DIP2C: variants seen among roughly 807,000 people sequenced by gnomAD.
DIP2C encodes DIP2 acetate--CoA ligase C (putative).
DIP2C carries 33 observed loss-of-function variants against 192.4 expected under a neutral mutation model. That is an observed-to-expected ratio of 0.17 (90% CI 0.13 to 0.23). The LOEUF (loss-of-function observed/expected upper bound fraction) is 0.23, where lower values mean the gene tolerates loss of function less well. DIP2C is among the 10% of genes least tolerant of loss of function. DIP2C has a pLI of 1.00. For missense variants in DIP2C, 1,537 were observed against 2,110.1 expected (o/e 0.73, Z 5.32); for synonymous variants, 979 against 864.1 (o/e 1.13, Z -2.33).
rs549517794 is a variant in DIP2C, at chr10:303,741, T to C, written c.3986+6290A>G. 5.9e-5 allele frequency among the ~76,000 whole-genome samples: 9 copies of C among 152,308 alleles called. 1 individual carries two copies. In the South Asian group the frequency reaches 1.7e-3, roughly 28 times the overall value. ...TTCCTCCATGTTGGTCAGGCTGGTC[T>C]CGAACTCCCGACCTCAGGTGATCTG... On this transcript the variant is annotated intron_variant, in intron 32 of 36. Transcript: ENST00000280886.
At chr10:503,771 C>A (rs190001106) in intron 1 of DIP2C, among the ~76,000 whole-genome samples, 7 of 152,210 alleles carry the variant, frequency 4.6e-5, no homozygotes, top group East Asian at 1.9e-4. Flanking sequence ...CGCATTTTTA[C>A]ATCTTTCAGG....
At chr10:499,633 A>G (rs1845087989) in intron 1 of DIP2C, among the ~76,000 whole-genome samples, 1 of 152,296 alleles carries the variant, frequency 6.6e-6, no homozygotes, top group Non-Finnish European at 1.5e-5. Flanking sequence ...CACAGTTACC[A>G]AAAAAACAGA....
chr10:342,022 T>G (rs1300176559), intron 28 of DIP2C, among the ~76,000 whole-genome samples: 4 of 152,198 alleles, frequency 2.6e-5, no homozygotes, highest in East Asian at 1.9e-4. Context: ...GGCTGATATT[T>G]TCACTGGAGT....
intron 10 of DIP2C, among the ~76,000 whole-genome samples, chr10:396,920 G>A (rs1320948931): frequency 6.6e-6 from 1 of 151,892 alleles, no homozygotes; most frequent in Non-Finnish European, 1.5e-5. Flanking sequence ...TGCCAGACAC[G>A]AGCATACTCA....
At chr10:581,099 G>A (rs1271604897) in intron 1 of DIP2C, among the ~76,000 whole-genome samples, 6 of 152,188 alleles carry the variant, frequency 3.9e-5, no homozygotes, top group Non-Finnish European at 7.3e-5. Context: ...TTTTCTAGGA[G>A]CGATGTCTGG....
intron 1 of DIP2C, among the ~76,000 whole-genome samples, chr10:683,071 AC>A (rs1258125072): frequency 6.6e-6 from 1 of 152,224 alleles, no homozygotes; most frequent in Non-Finnish European, 1.5e-5. Flanking sequence ...CGATGTCACT[AC>A]CAACATACCC....
chr10:546,987 AG>A (rs1401852404), intron 1 of DIP2C, among the ~76,000 whole-genome samples: 2 of 152,194 alleles, frequency 1.3e-5, no homozygotes, highest in Non-Finnish European at 2.9e-5. Context: ...TAAGTGGCAG[AG>A]TTTGTAAGTC....
chr10:520,136 C>A (rs544709992), intron 1 of DIP2C, among the ~76,000 whole-genome samples: 1 of 152,194 alleles, frequency 6.6e-6, no homozygotes, highest in East Asian at 1.9e-4. Flanking sequence ...TTTAGAAGGT[C>A]GTGTGAAGTC....
chr10:338,572 G>A (rs1471221408), intron 29 of DIP2C, among the ~76,000 whole-genome samples: 1 of 152,130 alleles, frequency 6.6e-6, no homozygotes, highest in African/African-American at 2.4e-5. Flanking sequence ...ACTGCGGACT[G>A]GGTGTGTCAG....
At chr10:506,252 G>A (rs1845587376) in intron 1 of DIP2C, among the ~76,000 whole-genome samples, 1 of 152,168 alleles carries the variant, frequency 6.6e-6, no homozygotes, top group African/African-American at 2.4e-5. Context: ...CTGCTTGCAG[G>A]ACTTCTGCAT....
rs568884302 is a variant in DIP2C, at chr10:343,862, A to G, written c.3453+947T>C. 4.9e-4 allele frequency among the ~76,000 whole-genome samples: 75 copies of G among 152,332 alleles called. 2 individuals are homozygous for G. The South Asian group carries it at 0.015, about 31-fold the overall frequency. ...GTGTTAAGCGCTGGAGATGAACCGA[A>G]GAGTAAGACACAGCCCTGCCCTCAG... On this transcript the variant is annotated intron_variant, in intron 28 of 36. Transcript: ENST00000280886.
intron 10 of DIP2C, among the ~76,000 whole-genome samples, chr10:394,580 C>T (rs916662867): frequency 4.4e-5 from 6 of 135,644 alleles, no homozygotes; most frequent in Non-Finnish European, 4.6e-5. Flanking sequence ...ACATAGTGGG[C>T]GCTATTCAGC....
At chr10:643,820 T>C (rs1303037148) in intron 1 of DIP2C, among the ~76,000 whole-genome samples, 2 of 152,262 alleles carry the variant, frequency 1.3e-5, no homozygotes, top group African/African-American at 4.8e-5. Context: ...TCAATACTTG[T>C]TACTGTTCAC....
intron 7 of DIP2C, among the ~76,000 whole-genome samples, chr10:414,707 A>G (rs868802488): frequency 0.034 from 1,612 of 47,788 alleles, 34 homozygotes; most frequent in African/African-American, 0.078. Context: ...GTGTGTATGT[A>G]TGTGTGTGTG....
chr10:541,587 C>T (rs1335591503), intron 1 of DIP2C, among the ~76,000 whole-genome samples: 2 of 150,706 alleles, frequency 1.3e-5, no homozygotes, highest in Admixed American at 6.6e-5. Context: ...CTCCTGGATC[C>T]CACAGCGTGA....
At chr10:521,495 C>T (rs1197184130) in intron 1 of DIP2C, among the ~76,000 whole-genome samples, 1 of 152,186 alleles carries the variant, frequency 6.6e-6, no homozygotes, top group African/African-American at 2.4e-5. Context: ...CAAAGCCTGA[C>T]GTGTGGTCCC....
chr10:530,090 G>A (rs771353942), intron 1 of DIP2C, among the ~76,000 whole-genome samples: 11 of 152,210 alleles, frequency 7.2e-5, no homozygotes, highest in South Asian at 2.1e-4. Flanking sequence ...CACGCCTGCC[G>A]CCGTCTAAGT....
chr10:515,957 G>A (rs894897600), intron 1 of DIP2C, among the ~76,000 whole-genome samples: 3 of 151,996 alleles, frequency 2.0e-5, no homozygotes, highest in Non-Finnish European at 4.4e-5. Flanking sequence ...GAGTTTAGCT[G>A]CAGAAAGTGA....
In DIP2C at chr10:303,867, T is replaced by C. The variant is rs551119713; in HGVS notation, c.3986+6164A>G. On this transcript the variant is annotated intron_variant, in intron 32 of 36. Transcript: ENST00000280886. ...AACTTTTTTTTTTGTTATAAACTAA[T>C]ACACAGACACACATTAATCTGGGCC... Among the ~76,000 whole-genome samples the C allele has an allele frequency of 9.7e-4, 148 of 152,262 alleles. 1 individual carries two copies. The highest frequency in any genetic ancestry group is 3.3e-3 in the African/African-American group (138 of 41,540).
Sources: allele counts gnomAD v4.1 joint callset (sites outside exome capture counted in the v4.1 genomes callset), GRCh38; gene constraint gnomAD v4.1.1; transcripts MANE v1.5; gene names NCBI Gene and HGNC (gene_info 2026-07-23, HGNC 2026-07-21).